The following CHRNA4 variants were observed in gnomAD, a reference collection of about 807,000 sequenced individuals.
CHRNA4 encodes cholinergic receptor nicotinic alpha 4 subunit.
Under a neutral mutation model 48.9 loss-of-function variants are expected in CHRNA4, and 28 were observed. The observed-to-expected ratio is 0.57, with a 90% CI of 0.42 to 0.79. The LOEUF (loss-of-function observed/expected upper bound fraction) is 0.79, where lower values mean the gene tolerates loss of function less well. Among genes scored for constraint, CHRNA4 ranks in the 30% least tolerant of loss-of-function variants. The probability of loss-of-function intolerance (pLI) is 0.00; values close to 1 mark genes in which losing one functional copy is unlikely to be tolerated. For synonymous variants in CHRNA4, 425 were observed against 402.3 expected, an observed-to-expected ratio of 1.06 and a Z score of -0.68; for missense variants, 859 against 898.4, an observed-to-expected ratio of 0.96 and a Z score of 0.56.
rs766327036 is a variant in CHRNA4 at position 63,359,705 on chromosome 20, G to A, written c.77-6C>T. The A allele has an allele frequency of 6.2e-7, 1 of 1,610,102 alleles. No individual in the cohort carries two copies. The highest frequency in any genetic ancestry group is 1.1e-5 in the South Asian group (1 of 90,992). ...GGTCTCCACATGGCTGCTGGCTGCG[G>A]GGAGAGGCAGGCCAGTGGCTCAGGT... On this transcript the variant is annotated splice_polypyrimidine_tract_variant and splice_region_variant and intron_variant, in intron 1 of 5. Transcript: ENST00000370263.
chr20:63,359,319 C>T (rs1483375020), intron 2 of CHRNA4: 7 of 619,424 alleles, frequency 1.1e-5, no homozygotes, highest in South Asian at 1.8e-5. Flanking sequence ...AGTGTTCCCA[C>T]GTCAAGGGGG....
chr20:63,347,023 G>T, intron 5 of CHRNA4, 160 bp from the exon 6 acceptor site: 1 of 1,062,638 alleles, frequency 9.4e-7, no homozygotes, highest in Non-Finnish European at 1.4e-6. Context: ...GCACCGAGGG[G>T]AGGAATTGGG....
chr20:63,349,496 T>G, intron 5 of CHRNA4, 157 bp downstream of exon 5: 8 of 976,600 alleles, frequency 8.2e-6, no homozygotes, highest in South Asian at 1.4e-5. Flanking sequence ...ATAGCAGGCT[T>G]GGGAAGAGGC....
chr20:63,343,797 C>G lies in CHRNA4; in HGVS notation c.*2941G>C, dbSNP rs1476406432. On this transcript the variant is annotated 3_prime_UTR_variant, in exon 6 of 6. Coordinates refer to ENST00000370263, the MANE Select transcript of CHRNA4 (RefSeq NM_000744.7). ...CTTCGAGCTGCAGCAGTGTCTCCCGCTGCCTGGTGCCTGGCACAGGGCGGG... is the reference window on the plus strand; with the variant it reads ...CTTCGAGCTGCAGCAGTGTCTCCCGGTGCCTGGTGCCTGGCACAGGGCGGG... The G allele has an allele frequency of 4.4e-6, 2 of 453,996 alleles. No individual in the cohort carries two copies. Among genetic ancestry groups the G allele is most frequent in the Non-Finnish European group, 4.4e-6 (1 of 226,784 alleles). 28.1% of individuals were successfully genotyped at this position (453,996 alleles called of 1,614,324 possible).
In CHRNA4 at chr20:63,359,596, G is replaced by A. The variant is rs112051150; in HGVS notation, c.180C>T (p.Asp60=). 1.3e-5 allele frequency: 21 copies of A among 1,612,742 alleles called. No homozygotes were observed. The highest frequency in any genetic ancestry group is 2.2e-5 in the East Asian group (1 of 44,884). Residue 60 remains aspartate, a synonymous_variant, in exon 2 of 6, where the codon GAC becomes GAT. Coordinates refer to ENST00000370263, the MANE Select transcript of CHRNA4 (RefSeq NM_000744.7). ...ACAGGCCGAAGCGGACGAGGACCAC[G>A]TCCGAGATGTTGGCCACGGGTCGGG... ...KWSRPVANIS[D]VVLVRFGLSI...
At chr20:63,349,589 G>A in intron 5 of CHRNA4, 64 bp downstream of exon 5, 1 of 1,599,162 alleles carries the variant, frequency 6.3e-7, no homozygotes, top group South Asian at 1.1e-5. Context: ...ACACCAGGAA[G>A]AAAGGGCGTC....
intron 5 of CHRNA4, among the ~76,000 whole-genome samples, chr20:63,347,385 C>T (rs1486946328): frequency 2.0e-5 from 3 of 152,348 alleles, no homozygotes; most frequent in East Asian, 1.9e-4. Flanking sequence ...CAGTCTCTCA[C>T]TCGAGCCTCC....
Position 63,361,217 on chromosome 20 carries a change from G to T in CHRNA4, c.-52C>A. 6.9e-7 allele frequency: 1 copy of T among 1,448,710 alleles called. No individual in the cohort carries two copies. Among genetic ancestry groups the T allele is most frequent in the Non-Finnish European group, 9.1e-7 (1 of 1,103,900 alleles). 89.7% of individuals were successfully genotyped at this position (1,448,710 alleles called of 1,614,324 possible). ...TGCGGGCGGCTCCCGGCTCCCCGCCGCTTCGAGGCCCGTGCGCGCCCAACT... is the reference window on the plus strand; with the variant it reads ...TGCGGGCGGCTCCCGGCTCCCCGCCTCTTCGAGGCCCGTGCGCGCCCAACT... On this transcript the variant is annotated 5_prime_UTR_variant, in exon 1 of 6. Coordinates refer to ENST00000370263, the MANE Select transcript of CHRNA4 (RefSeq NM_000744.7).
chr20:63,349,876 G>C lies in CHRNA4; in HGVS notation c.1535C>G (p.Ser512Cys), dbSNP rs754133410. ...ADGQAAGALA[S>C]RNTHSAELPP... ...GAGCTCAGCCGAGTGGGTGTTGCGA[G>C]AGGCCAGGGCGCCGGCAGCCTGGCC... is the stretch of plus-strand genomic sequence containing the variant. The change falls in exon 5 of 6, where the codon TCT (serine) becomes TGT (cysteine). Residue 512 changes from serine (S) to cysteine (C), a missense_variant. Physicochemically the swap from Ser to Cys is moderately radical, Grantham distance 112 (BLOSUM62 -1). Coordinates refer to ENST00000370263, the MANE Select transcript of CHRNA4 (RefSeq NM_000744.7). 14 of 1,594,462 alleles carry C rather than the reference G, an allele frequency of 8.8e-6. No individual in the cohort carries two copies. The Admixed American group carries it at 2.4e-4, about 27-fold the overall frequency.
chr20:63,355,961 T>C lies in CHRNA4; in HGVS notation c.383+14A>G, dbSNP rs955857261. ...AAGGCCCTGTAGAGGACTCACTTGT[T>C]GTAGAGGACTCACTTGTTGTAGAGG... On this transcript the variant is annotated intron_variant, in intron 4 of 5. Coordinates refer to ENST00000370263, the MANE Select transcript of CHRNA4 (RefSeq NM_000744.7). 6.2e-7 allele frequency: 1 copy of C among 1,609,984 alleles called. No individual in the cohort carries two copies. The highest frequency in any genetic ancestry group is 8.5e-7 in the Non-Finnish European group (1 of 1,178,450).
At chr20:63,347,040 G>T in intron 5 of CHRNA4, 177 bp from the exon 6 acceptor site, 2 of 855,312 alleles carry the variant, frequency 2.3e-6, no homozygotes, top group Non-Finnish European at 3.8e-6. Context: ...TGGGGTGCAC[G>T]GGACAGCCAG....
In CHRNA4 at chr20:63,345,132, G is replaced by T. The variant is rs1426884859; in HGVS notation, c.*1606C>A. The T allele has an allele frequency of 4.4e-6, 2 of 454,000 alleles. No individual in the cohort carries two copies. The highest frequency in any genetic ancestry group is 4.7e-5 in the Admixed American group (2 of 42,568). 28.1% of individuals were successfully genotyped at this position (454,000 alleles called of 1,614,324 possible). ...GCATTTCTGGGGCACTCGGCATGCC[G>T]GGTTCCTAACCTCAATTATTCATTC... is the stretch of plus-strand genomic sequence containing the variant. On this transcript the variant is annotated 3_prime_UTR_variant, in exon 6 of 6. Transcript: ENST00000370263. The surrounding 1 kb of genome is among the most constrained non-coding windows in gnomAD (Gnocchi z 5.4).
chr20:63,349,109 G>A (rs2068541451), intron 5 of CHRNA4, among the ~76,000 whole-genome samples: 1 of 152,116 alleles, frequency 6.6e-6, no homozygotes, highest in South Asian at 2.1e-4. Flanking sequence ...TGGCCGTGTG[G>A]GGCTGATGGT....
chr20:63,359,610 C>G lies in CHRNA4; in HGVS notation c.166G>C (p.Ala56Pro), dbSNP rs763826732. ...ACGAGGACCACGTCCGAGATGTTGGCCACGGGTCGGGACCACTTGTTGTAA... is the reference window on the plus strand; with the variant it reads ...ACGAGGACCACGTCCGAGATGTTGGGCACGGGTCGGGACCACTTGTTGTAA... The part of the protein sequence containing the change: ...SGYNKWSRPV[A>P]NISDVVLVRF... Residue 56 changes from alanine (A) to proline (P), a missense_variant, in exon 2 of 6, where the codon GCC becomes CCC. This residue lies in a region of CHRNA4 where 342 missense variants were observed against 365.3 expected (regional missense o/e 0.94). Transcript: ENST00000370263. 2.5e-6 allele frequency: 4 copies of G among 1,612,750 alleles called. No individual in the cohort carries two copies. The highest frequency in any genetic ancestry group is 3.4e-6 in the Non-Finnish European group (4 of 1,179,942).
rs759876354 is a variant in CHRNA4, at chr20:63,344,541, ACCCCCGGCAGGAGGGT to A, written c.*2181_*2196del. On this transcript the variant is annotated 3_prime_UTR_variant, in exon 6 of 6. Coordinates refer to ENST00000370263, the MANE Select transcript of CHRNA4 (RefSeq NM_000744.7). This position sits in a 1 kb window ranked among gnomAD's most constrained non-coding sequence, Gnocchi z 4.5. ...GGGGTCTTCCCCCAGGCAAGCGGCC[ACCCCCGGCAGGAGGGT>A]CCCCCGGCAGGAGCGTCCCAGCCAC... 6.5e-5 allele frequency: 29 copies of A among 449,398 alleles called. No homozygotes were observed. Among genetic ancestry groups the A allele is most frequent in the Non-Finnish European group, 5.8e-5 (13 of 225,892 alleles). The allele number at this position is 449,398 out of a possible 1,614,324, so 27.8% of individuals were successfully genotyped here. A position where few individuals can be genotyped will look rare whatever the true frequency, so the allele number is the denominator to read the frequency against.
Position 63,350,058 on chromosome 20 carries a change from CG to C in CHRNA4, c.1352del (p.Pro451ArgfsTer114). ...SPHPSPGPCR[P>X]PHGTQAPGLA... ...GCCCTGGTGCCTGGGTGCCGTGGGG[CG>C]GGCGGCAGGGTCCAGGCGAGGGGTG... On this transcript the variant is annotated frameshift_variant, in exon 5 of 6. Transcript: ENST00000370263. LOFTEE classifies it high-confidence loss of function. 1 of 1,510,940 alleles carries C rather than the reference CG, an allele frequency of 6.6e-7. No homozygotes were observed. 93.6% of individuals were successfully genotyped at this position (1,510,940 alleles called of 1,614,324 possible).
chr20:63,346,701 A>G lies in CHRNA4; in HGVS notation c.*37T>C. ...GGCCGCATGGATGCTGGCCCCGTGC[A>G]CGGCAGCCCCAGGCCACGCAGGCTC... On this transcript the variant is annotated 3_prime_UTR_variant, in exon 6 of 6. Transcript: ENST00000370263. The G allele has an allele frequency of 1.3e-6, 2 of 1,587,582 alleles. No homozygotes were observed. The highest frequency in any genetic ancestry group is 1.7e-6 in the Non-Finnish European group (2 of 1,171,886).
rs76378652 is a variant in CHRNA4, at chr20:63,350,303, G to A, written c.1108C>T (p.Arg370Trp). The change falls in exon 5 of 6, where the codon CGG becomes TGG. Residue 370 changes from arginine to tryptophan, a missense_variant. Physicochemically the swap from Arg to Trp is moderately radical, Grantham distance 101. Transcript: ENST00000370263. ...RPSVVKDNCR[R>W]LIESMHKMAS... The stretch of plus-strand genomic sequence containing the variant: ...ATCTTATGCATGGACTCGATGAGCC[G>A]CCGGCAATTGTCCTTGACCACGGAC... 198 of 1,612,852 alleles carry A rather than the reference G, an allele frequency of 1.2e-4. 1 individual carries two copies. In the Admixed American group the frequency reaches 3.1e-3, roughly 25 times the overall value.
chr20:63,355,484 G>A (rs1018539959), intron 4 of CHRNA4: 2 of 1,284,154 alleles, frequency 1.6e-6, no homozygotes, highest in East Asian at 5.6e-5. Context: ...GAACCATCTG[G>A]GGCTTCCTCA....
Sources: allele counts gnomAD v4.1 joint callset (sites outside exome capture counted in the v4.1 genomes callset), GRCh38; gene constraint gnomAD v4.1.1; regional missense constraint gnomAD v4.1.1; non-coding constraint Gnocchi (gnomAD v3.1); transcripts MANE v1.5; gene names NCBI Gene and HGNC (gene_info 2026-07-23, HGNC 2026-07-21).